Variants in ERAP1 observed in about 807,000 individuals in gnomAD.
The protein encoded by ERAP1 is adipocyte-derived leucine aminopeptidase.
ERAP1 carries 86 observed loss-of-function variants against 103.7 expected under a neutral mutation model. The ratio of observed to expected loss-of-function variants is 0.83; its 90% CI spans 0.70 to 0.99. ERAP1 has a LOEUF of 0.99. ERAP1 is among the 50% of genes least tolerant of loss of function. The pLI is 0.00. For missense variants in ERAP1, 1,009 were observed against 1,128.4 expected, an observed-to-expected ratio of 0.89 and a Z score of 1.52; for synonymous variants, 398 against 402.4, an observed-to-expected ratio of 0.99 and a Z score of 0.13.
chr5:96,903,666 T>A, the ERAP1 span: 3 of 1,075,346 alleles, frequency 2.8e-6, no homozygotes, highest in South Asian at 3.6e-5. Flanking sequence ...TTAATATGGA[T>A]TTGAATGGAA....
At chr5:96,838,240 G>C in the ERAP1 span, among the ~76,000 whole-genome samples, 1 of 152,116 alleles carries the variant, frequency 6.6e-6, no homozygotes, top group South Asian at 2.1e-4. Context: ...CCAAATGCCT[G>C]GGTTGTCGAA....
At chr5:96,855,823 G>A in the ERAP1 span, among the ~76,000 whole-genome samples, 2 of 152,168 alleles carry the variant, frequency 1.3e-5, no homozygotes, top group African/African-American at 2.4e-5. Flanking sequence ...ATAGAAAGAT[G>A]TAGGAGAAGG....
chr5:96,905,944 A>ATTT, the ERAP1 span, among the ~76,000 whole-genome samples: 7 of 139,618 alleles, frequency 5.0e-5, no homozygotes, highest in Non-Finnish European at 7.7e-5. Flanking sequence ...TTTCTTTTTA[A>ATTT]TTTTTTTTTT....
the ERAP1 span, among the ~76,000 whole-genome samples, chr5:96,826,039 C>T: frequency 6.6e-6 from 1 of 152,220 alleles, no homozygotes; most frequent in Non-Finnish European, 1.5e-5. Context: ...TTATTCTGCA[C>T]CACCAGTCAC....
chr5:96,922,307 A>G, the ERAP1 span, among the ~76,000 whole-genome samples: 1 of 152,188 alleles, frequency 6.6e-6, no homozygotes, highest in South Asian at 2.1e-4. Context: ...CAAAAAAACA[A>G]AACAAAAACA....
the ERAP1 span, among the ~76,000 whole-genome samples, chr5:96,867,026 T>G: frequency 7.9e-6 from 1 of 127,100 alleles, no homozygotes; most frequent in Non-Finnish European, 1.7e-5. Context: ...TTTTTTTTTT[T>G]GTCAGAGTCT....
At chr5:96,912,220 A>G in the ERAP1 span, among the ~76,000 whole-genome samples, 2 of 151,482 alleles carry the variant, frequency 1.3e-5, no homozygotes, top group African/African-American at 4.8e-5. Flanking sequence ...GAAAAGAAAA[A>G]AATGCCTTCA....
chr5:96,821,802 T>C, the ERAP1 span, among the ~76,000 whole-genome samples: 2 of 152,222 alleles, frequency 1.3e-5, no homozygotes, highest in African/African-American at 4.8e-5. Context: ...CAATATAAAC[T>C]AGCTTAAATT....
At chr5:96,766,262 T>C in intron 19 of ERAP1, 1 of 616,358 alleles carries the variant, frequency 1.6e-6, no homozygotes. Flanking sequence ...ATACCATGAC[T>C]GACTGCTTCT....
At chr5:96,901,415 T>C in the ERAP1 span, 1 of 1,409,914 alleles carries the variant, frequency 7.1e-7, no homozygotes, top group Non-Finnish European at 9.8e-7. Context: ...CCAAGCCTTG[T>C]TTCTGGCATC....
At chr5:96,905,300 G>A in the ERAP1 span, among the ~76,000 whole-genome samples, 2 of 152,110 alleles carry the variant, frequency 1.3e-5, no homozygotes, top group African/African-American at 2.4e-5. Flanking sequence ...AAATAAGTGC[G>A]AAGGGGAAAC....
At chr5:96,902,522 G>T in the ERAP1 span, 8 of 514,912 alleles carry the variant, frequency 1.6e-5, no homozygotes, top group East Asian at 6.3e-5. Context: ...AAGAAAATCT[G>T]GATTTTTCAT....
At chr5:96,849,765 A>T in the ERAP1 span, among the ~76,000 whole-genome samples, 1 of 152,186 alleles carries the variant, frequency 6.6e-6, no homozygotes, top group African/African-American at 2.4e-5. Flanking sequence ...CAATCCTAAG[A>T]TTCTCACAGA....
chr5:96,850,651 A>C, the ERAP1 span, among the ~76,000 whole-genome samples: 1 of 152,158 alleles, frequency 6.6e-6, no homozygotes, highest in Non-Finnish European at 1.5e-5. Context: ...GGAATAAGAA[A>C]GTGAGGTGAT....
the ERAP1 span, among the ~76,000 whole-genome samples, chr5:96,861,692 A>G: frequency 6.6e-6 from 1 of 152,188 alleles, no homozygotes; most frequent in African/African-American, 2.4e-5. Context: ...TAAGACAGGT[A>G]TTTTAATTAT....
the ERAP1 span, chr5:96,892,413 T>C: frequency 3.1e-6 from 5 of 1,614,068 alleles, no homozygotes; most frequent in Non-Finnish European, 4.2e-6. Flanking sequence ...TCCGATAAAC[T>C]GTGGGTCACC....
chr5:96,887,793 T>A, the ERAP1 span, among the ~76,000 whole-genome samples: 1 of 152,192 alleles, frequency 6.6e-6, no homozygotes, highest in Non-Finnish European at 1.5e-5. Context: ...ATTATAGACT[T>A]AAAAACATTT....
At chr5:96,934,821 C>G in the ERAP1 span, 1 of 152,322 alleles carries the variant, frequency 6.6e-6, no homozygotes, top group Non-Finnish European at 1.5e-5. Flanking sequence ...AGGCGCAGCC[C>G]GAGCCAAGTC....
the ERAP1 span, among the ~76,000 whole-genome samples, chr5:96,899,774 A>G: frequency 6.6e-6 from 1 of 152,252 alleles, no homozygotes; most frequent in Non-Finnish European, 1.5e-5. Context: ...AGGGGCATAC[A>G]TAACATGCAG....
Sources: allele counts gnomAD v4.1 joint callset (sites outside exome capture counted in the v4.1 genomes callset), GRCh38; gene constraint gnomAD v4.1.1; transcripts MANE v1.5; gene names NCBI Gene and HGNC (gene_info 2026-07-23, HGNC 2026-07-21).